The following CDS2 variants were observed in gnomAD, a reference collection of about 807,000 sequenced individuals.
The protein encoded by CDS2 is phosphatidate cytidylyltransferase 2.
Under a neutral mutation model 59.0 loss-of-function variants are expected in CDS2, and 47 were observed. The ratio of observed to expected loss-of-function variants is 0.80; its 90% CI spans 0.63 to 1.02. CDS2 has a LOEUF of 1.02. Among genes scored for constraint, CDS2 ranks in the 50% least tolerant of loss-of-function variants. The pLI is 0.00. For synonymous variants in CDS2, 207 were observed against 206.4 expected (o/e 1.00, Z -0.02); for missense variants, 356 against 558.9 (o/e 0.64, Z 3.66).
rs371413519 is a variant in CDS2, at chr20:5,173,477, A to G, written c.58-46A>G. 8 of 1,610,244 alleles carry G rather than the reference A, an allele frequency of 5.0e-6. No individual in the cohort carries two copies. The East Asian group carries it at 6.7e-5, about 13-fold the overall frequency. ...ACAGGCATAGACTTCTCAATGGTCT[A>G]CTCGGCACTTTTGACCTTTTTCTCT... On this transcript the variant is annotated intron_variant, in intron 1 of 12. Coordinates refer to ENST00000460006, the MANE Select transcript of CDS2 (RefSeq NM_003818.4).
At chr20:5,132,719 C>T (rs550448470) in intron 1 of CDS2, among the ~76,000 whole-genome samples, 1 of 151,972 alleles carries the variant, frequency 6.6e-6, no homozygotes, top group South Asian at 2.1e-4. Context: ...CTCATATAAC[C>T]AATTATTTTA....
At chr20:5,157,148 G>T (rs1037521024) in intron 1 of CDS2, among the ~76,000 whole-genome samples, 2 of 152,202 alleles carry the variant, frequency 1.3e-5, no homozygotes, top group Non-Finnish European at 2.9e-5. Context: ...TTGGTTGGAT[G>T]CTACTGAGAT....
intron 1 of CDS2, among the ~76,000 whole-genome samples, chr20:5,133,511 G>A (rs901009967): frequency 6.6e-6 from 1 of 151,730 alleles, no homozygotes; most frequent in Non-Finnish European, 1.5e-5. Flanking sequence ...AGAATGGTTC[G>A]TATTATGAAG....
chr20:5,168,151 A>C (rs1244151079), intron 1 of CDS2, among the ~76,000 whole-genome samples: 1 of 152,154 alleles, frequency 6.6e-6, no homozygotes, highest in Admixed American at 6.5e-5. Context: ...ACGGTAGCTC[A>C]CGCCTGTATT....
At chr20:5,144,610 G>A (rs1431881249) in intron 1 of CDS2, among the ~76,000 whole-genome samples, 2 of 152,086 alleles carry the variant, frequency 1.3e-5, no homozygotes, top group Non-Finnish European at 2.9e-5. Flanking sequence ...TGATTCTGAC[G>A]TTCTTCCAGT....
intron 1 of CDS2, among the ~76,000 whole-genome samples, chr20:5,157,148 G>A (rs1037521024): frequency 6.6e-6 from 1 of 152,202 alleles, no homozygotes; most frequent in African/African-American, 2.4e-5. Flanking sequence ...TTGGTTGGAT[G>A]CTACTGAGAT....
chr20:5,161,760 C>T (rs2090878191), intron 1 of CDS2, among the ~76,000 whole-genome samples: 1 of 152,214 alleles, frequency 6.6e-6, no homozygotes, highest in Admixed American at 6.5e-5. Flanking sequence ...TCCCAGTTGT[C>T]TCCAGGCCTA....
intron 1 of CDS2, among the ~76,000 whole-genome samples, chr20:5,167,231 G>A (rs937925468): frequency 3.3e-5 from 5 of 152,208 alleles, no homozygotes; most frequent in African/African-American, 1.2e-4. Context: ...CCACATTCAT[G>A]TATTTTCTTG....
chr20:5,185,762 C>A lies in CDS2; in HGVS notation c.764C>A (p.Ser255Tyr). 1 of 1,614,164 alleles carries A rather than the reference C, an allele frequency of 6.2e-7. No individual in the cohort carries two copies. The highest frequency in any genetic ancestry group is 8.5e-7 in the Non-Finnish European group (1 of 1,179,996). ...GAACTTGCTCTCTGTCCACAGCTGT[C>A]CCCGAAGAAGACCTGGGAAGGCTTC... is the stretch of plus-strand genomic sequence containing the variant. Reference protein sequence around the residue: ...FFGRTPLIKLSPKKTWEGFIG... With the variant: ...FFGRTPLIKLYPKKTWEGFIG... The change falls in exon 9 of 13, where the codon TCC becomes TAC. Residue 255 changes from serine (S) to tyrosine (Y), a missense_variant. Ser to Tyr is a moderately radical substitution (Grantham distance 144). Coordinates refer to ENST00000460006, the MANE Select transcript of CDS2 (RefSeq NM_003818.4).
chr20:5,179,593 C>T (rs2091018830), intron 5 of CDS2, among the ~76,000 whole-genome samples: 2 of 152,162 alleles, frequency 1.3e-5, no homozygotes, highest in Admixed American at 1.3e-4. Context: ...TAGGAACTTA[C>T]CATCTTTAGG....
At chr20:5,188,734 G>A (rs989014952) in intron 10 of CDS2, among the ~76,000 whole-genome samples, 8 of 152,350 alleles carry the variant, frequency 5.3e-5, no homozygotes, top group Non-Finnish European at 8.8e-5. Flanking sequence ...GGCTTCTGGT[G>A]AGGGCTTTTT....
chr20:5,188,058 G>T (rs970235144), intron 10 of CDS2, among the ~76,000 whole-genome samples: 1 of 148,958 alleles, frequency 6.7e-6, no homozygotes, highest in Admixed American at 6.7e-5. Context: ...TAACGTACGT[G>T]TGTGTGTGTG....
At chr20:5,165,736 G>A (rs191348043) in intron 1 of CDS2, among the ~76,000 whole-genome samples, 1 of 152,236 alleles carries the variant, frequency 6.6e-6, no homozygotes, top group East Asian at 1.9e-4. Flanking sequence ...GACAGGGGCC[G>A]CTGGGACACA....
At chr20:5,135,470 G>A (rs1247966530) in intron 1 of CDS2, among the ~76,000 whole-genome samples, 1 of 151,730 alleles carries the variant, frequency 6.6e-6, no homozygotes, top group African/African-American at 2.4e-5. Flanking sequence ...TACTGCCTCT[G>A]GTTCAGAAAA....
At chr20:5,182,348 C>A (rs2091037713) in intron 5 of CDS2, 39 bp from the exon 6 acceptor site, 3 of 1,564,624 alleles carry the variant, frequency 1.9e-6, no homozygotes, top group Admixed American at 1.8e-5. Flanking sequence ...AAATGCAGAA[C>A]ATAATTCATT....
chr20:5,130,129 C>T (rs117953107), intron 1 of CDS2, among the ~76,000 whole-genome samples: 4,846 of 152,120 alleles, frequency 0.032, 94 homozygotes, highest in Non-Finnish European at 0.05. Flanking sequence ...CCTGCCATCA[C>T]GACTGGCTAA....
chr20:5,130,379 G>A lies in CDS2; in HGVS notation c.57+3230G>A, dbSNP rs1008824202. Reference sequence around the variant, plus strand: ...CAATATTCTTGTGTTAGAACCCAAGGAAATTAGAAATAATAAATTTTAAGG... The same window carrying A: ...CAATATTCTTGTGTTAGAACCCAAGAAAATTAGAAATAATAAATTTTAAGG... On this transcript the variant is annotated intron_variant, in intron 1 of 12. Transcript: ENST00000460006. Among the ~76,000 whole-genome samples, 8 of 152,214 alleles carry A rather than the reference G, an allele frequency of 5.3e-5. No homozygotes were observed. The South Asian group carries it at 1.7e-3, about 31-fold the overall frequency.
At chr20:5,142,578 TG>T (rs2090703766) in intron 1 of CDS2, among the ~76,000 whole-genome samples, 1 of 152,224 alleles carries the variant, frequency 6.6e-6, no homozygotes, top group African/African-American at 2.4e-5. Context: ...ATAAAGGAAT[TG>T]TTAATTTTTT....
intron 1 of CDS2, among the ~76,000 whole-genome samples, chr20:5,152,087 A>G (rs948225666): frequency 6.6e-6 from 1 of 150,616 alleles, no homozygotes; most frequent in Non-Finnish European, 1.5e-5. Context: ...TTTTAAAAAA[A>G]AAAAAAACAA....
Sources: allele counts gnomAD v4.1 joint callset (sites outside exome capture counted in the v4.1 genomes callset), GRCh38; gene constraint gnomAD v4.1.1; transcripts MANE v1.5; gene names NCBI Gene and HGNC (gene_info 2026-07-23, HGNC 2026-07-21).